The following EGFR variants were observed in gnomAD, a reference collection of about 807,000 sequenced individuals.
EGFR encodes avian erythroblastic leukemia viral (v-erb-b) oncogene homolog.
EGFR carries 58 observed loss-of-function variants against 143.0 expected under a neutral mutation model. That is an observed-to-expected ratio of 0.41 (90% CI 0.33 to 0.50). The LOEUF is 0.50. Ranked by LOEUF, EGFR falls within the 20% of genes least tolerant of loss-of-function variation. The pLI is 0.39. For missense variants in EGFR, 1,307 were observed against 1,579.0 expected (o/e 0.83, Z 2.92); for synonymous variants, 613 against 594.4 (o/e 1.03, Z -0.45).
At chr7:55,117,647 C>T (rs1308123765) in intron 1 of EGFR, among the ~76,000 whole-genome samples, 3 of 152,162 alleles carry the variant, frequency 2.0e-5, no homozygotes, top group Non-Finnish European at 4.4e-5. Context: ...CATACTGCTG[C>T]GATCAAGTCC....
At chr7:55,051,236 A>G (rs962531795) in intron 1 of EGFR, among the ~76,000 whole-genome samples, 9 of 152,160 alleles carry the variant, frequency 5.9e-5, no homozygotes, top group Non-Finnish European at 1.3e-4. Context: ...AGGCTTTTTC[A>G]TAAAGAAGAG....
At chr7:55,067,642 T>A (rs1359193729) in intron 1 of EGFR, among the ~76,000 whole-genome samples, 1 of 151,570 alleles carries the variant, frequency 6.6e-6, no homozygotes, top group Non-Finnish European at 1.5e-5. Flanking sequence ...TTATTAATTT[T>A]TTCCTGAGGG....
intron 11 of EGFR, among the ~76,000 whole-genome samples, chr7:55,159,867 G>A (rs1185452957): frequency 6.6e-6 from 1 of 152,168 alleles, no homozygotes; most frequent in Non-Finnish European, 1.5e-5. Flanking sequence ...TGAAAATGGA[G>A]AAAATATAAT....
intron 1 of EGFR, among the ~76,000 whole-genome samples, chr7:55,140,455 G>A (rs1794396969): frequency 6.6e-6 from 1 of 152,192 alleles, no homozygotes; most frequent in Admixed American, 6.5e-5. Flanking sequence ...TGTCAGCTGG[G>A]AAAGCAGCTT....
At chr7:55,029,785 A>C (rs981788712) in intron 1 of EGFR, among the ~76,000 whole-genome samples, 1 of 152,062 alleles carries the variant, frequency 6.6e-6, no homozygotes, top group Non-Finnish European at 1.5e-5. Context: ...TCTCAGTTTC[A>C]CCTTCCATAA....
intron 1 of EGFR, among the ~76,000 whole-genome samples, chr7:55,057,455 GATA>G (rs772217043): frequency 1.1e-4 from 17 of 152,228 alleles, no homozygotes; most frequent in Non-Finnish European, 1.9e-4. Flanking sequence ...TGGATTTCTT[GATA>G]ATGTTAAATA....
At position 55,161,491 on chromosome 7, in the gene EGFR, C is replaced by T. The variant is rs2128942650; in HGVS notation, c.1499-8C>T. The T allele has an allele frequency of 6.2e-7, 1 of 1,613,330 alleles. No homozygotes were observed. The highest frequency in any genetic ancestry group is 2.2e-5 in the East Asian group (1 of 44,886). ...CACTGACTGCTGTGACCCACTCTGT[C>T]TCCGCAGAGGCCACAGGCCAGGTCT... On this transcript the variant is annotated splice_polypyrimidine_tract_variant and splice_region_variant and intron_variant, in intron 12 of 27. Transcript: ENST00000275493.
chr7:55,153,333 G>A (rs1407744199), intron 6 of EGFR, among the ~76,000 whole-genome samples: 1 of 152,290 alleles, frequency 6.6e-6, no homozygotes, highest in Non-Finnish European at 1.5e-5. Flanking sequence ...CGTCTTGGAA[G>A]TCCTGGAGAC....
intron 1 of EGFR, among the ~76,000 whole-genome samples, chr7:55,139,344 T>G (rs905886208): frequency 1.3e-5 from 2 of 152,228 alleles, no homozygotes; most frequent in Admixed American, 6.5e-5. Flanking sequence ...TTTAAGTAAT[T>G]TACTCATATA....
intron 11 of EGFR, 25 bp from the exon 12 acceptor site, chr7:55,160,114 A>T (rs74810252): frequency 1.9e-6 from 3 of 1,613,240 alleles, no homozygotes; most frequent in Non-Finnish European, 1.7e-6. Context: ...TTTTCACCAC[A>T]TGATTTTTCT....
Position 55,209,669 on chromosome 7 carries a change from A to G in EGFR, c.*4052A>G, listed in dbSNP as rs1203531172. The G allele has an allele frequency of 6.6e-6, 1 of 152,228 alleles. No homozygotes were observed. Among genetic ancestry groups the G allele is most frequent in the Non-Finnish European group, 1.5e-5 (1 of 68,040 alleles). 9.4% of individuals were successfully genotyped at this position (152,228 alleles called of 1,614,324 possible). A position where few individuals can be genotyped will look rare whatever the true frequency, so the allele number is the denominator to read the frequency against. ...AACAGAAATCCTTGCCTCTTTCACC[A>G]GCCACACCTGCCATACCAGGGGTAC... On this transcript the variant is annotated 3_prime_UTR_variant, in exon 28 of 28. Transcript: ENST00000275493.
Position 55,205,606 on chromosome 7 carries a change from A to T in EGFR, c.3622A>T (p.Ile1208Phe), listed in dbSNP as rs2128975693. ...GGTCGCGCCACAAAGCAGTGAATTTATTGGAGCATGACCACGGAGGATAGT... is the reference window on the plus strand; with the variant it reads ...GGTCGCGCCACAAAGCAGTGAATTTTTTGGAGCATGACCACGGAGGATAGT... ...LRVAPQSSEFIGA is the reference protein window; with the variant it reads ...LRVAPQSSEFFGA The change falls in exon 28 of 28, where the codon ATT becomes TTT. Residue 1208 changes from isoleucine to phenylalanine, a missense_variant. Transcript: ENST00000275493. 1 of 1,614,180 alleles carries T rather than the reference A, an allele frequency of 6.2e-7. No individual in the cohort carries two copies. Among genetic ancestry groups the T allele is most frequent in the Non-Finnish European group, 8.5e-7 (1 of 1,180,024 alleles).
rs534867377 is a variant in EGFR at position 55,071,963 on chromosome 7, T to C, written c.88+52598T>C. 1.6e-4 allele frequency among the ~76,000 whole-genome samples: 25 copies of C among 152,304 alleles called. No homozygotes were observed. In the East Asian group the frequency reaches 4.3e-3, roughly 26 times the overall value. On this transcript the variant is annotated intron_variant, in intron 1 of 27. Transcript: ENST00000275493. ...AGAAGACAGCCAATATTGCAGCACA[T>C]TTTTCTCTTGGATTGGGTCAGAGAG...
intron 1 of EGFR, among the ~76,000 whole-genome samples, chr7:55,079,494 G>C (rs1333881517): frequency 6.6e-6 from 1 of 152,160 alleles, no homozygotes; most frequent in Non-Finnish European, 1.5e-5. Context: ...TCCTTCCAGG[G>C]CCAGGACTGG....
At chr7:55,132,524 C>T (rs1309024242) in intron 1 of EGFR, among the ~76,000 whole-genome samples, 1 of 152,190 alleles carries the variant, frequency 6.6e-6, no homozygotes, top group Non-Finnish European at 1.5e-5. Context: ...ATGTATTTTA[C>T]GTATGGTGAA....
At chr7:55,202,392 G>A in intron 26 of EGFR, 125 bp from the exon 27 acceptor site, 1 of 799,820 alleles carries the variant, frequency 1.3e-6, no homozygotes, top group Non-Finnish European at 2.1e-6. Context: ...CCAGGGTGCA[G>A]ACTCTCAGGC....
At chr7:55,156,928 T>C (rs1327036754) in intron 10 of EGFR, 96 bp downstream of exon 10, 4 of 1,583,982 alleles carry the variant, frequency 2.5e-6, no homozygotes, top group Non-Finnish European at 3.4e-6. Context: ...AATAAAAACA[T>C]TTCTTCTGAA....
chr7:55,163,607 A>G (rs1785812813), intron 13 of EGFR, 126 bp from the exon 14 acceptor site: 4 of 773,624 alleles, frequency 5.2e-6, no homozygotes, highest in Non-Finnish European at 9.2e-6. Context: ...TTATATTACT[A>G]TATAGTCCTG....
At chr7:55,163,941 C>G (rs1785837229) in intron 14 of EGFR, 118 bp downstream of exon 14, 1 of 1,135,330 alleles carries the variant, frequency 8.8e-7, no homozygotes, top group African/African-American at 1.5e-5. Flanking sequence ...GAGCCACTTC[C>G]CAGAGGAGAC....
Sources: allele counts gnomAD v4.1 joint callset (sites outside exome capture counted in the v4.1 genomes callset), GRCh38; gene constraint gnomAD v4.1.1; transcripts MANE v1.5; gene names NCBI Gene and HGNC (gene_info 2026-07-23, HGNC 2026-07-21).